The following DNAH2 variants were observed in gnomAD, a reference collection of about 807,000 sequenced individuals.
The protein encoded by DNAH2 is dynein axonemal heavy chain 2, also known as axonemal beta dynein heavy chain 2.
In DNAH2, 323 loss-of-function variants were observed where a neutral mutation model predicts 523.5. That is an observed-to-expected ratio of 0.62 (90% CI 0.56 to 0.68). DNAH2 has a LOEUF of 0.68. Ranked by LOEUF, DNAH2 falls within the 30% of genes least tolerant of loss-of-function variation. DNAH2 has a pLI of 0.00. For synonymous variants in DNAH2, 2,093 were observed against 2,177.4 expected, an observed-to-expected ratio of 0.96 and a Z score of 1.08; for missense variants, 4,907 against 5,701.5, an observed-to-expected ratio of 0.86 and a Z score of 4.49.
rs2076910635 is a variant in DNAH2, at chr17:7,792,002, T to C, written c.6986T>C (p.Val2329Ala). Residue 2329 changes from valine (V) to alanine (A), a missense_variant, in exon 45 of 86, where the codon GTG becomes GCG. Transcript: ENST00000572933. ...ATGATCTGGTCTGTGTGTGCCTCTG[T>C]GGATGAGGAGGGCCGGAAGAGGATC... Reference protein sequence around the residue: ...FSMIWSVCASVDEEGRKRIDS... With the variant: ...FSMIWSVCASADEEGRKRIDS... 2 of 1,613,958 alleles carry C rather than the reference T, an allele frequency of 1.2e-6. No individual in the cohort carries two copies. Among genetic ancestry groups the C allele is most frequent in the Non-Finnish European group, 8.5e-7 (1 of 1,179,980 alleles).
In DNAH2 at chr17:7,819,425, A is replaced by G. The variant is rs1319565017; in HGVS notation, c.11015+17A>G. ...TGTCTACAGGTCTGAGGGTGCCCCC[A>G]ACATGCCCCAGCCCGGAGGCCGAGT... On this transcript the variant is annotated intron_variant, in intron 72 of 85. Coordinates refer to ENST00000572933, the MANE Select transcript of DNAH2 (RefSeq NM_020877.5). 2.5e-6 allele frequency: 4 copies of G among 1,613,960 alleles called. No homozygotes were observed. Among genetic ancestry groups the G allele is most frequent in the Non-Finnish European group, 2.5e-6 (3 of 1,179,820 alleles).
Position 7,764,037 on chromosome 17 carries a change from G to A in DNAH2, c.3179+6G>A, listed in dbSNP as rs1483441114. On this transcript the variant is annotated splice_donor_region_variant and intron_variant, in intron 19 of 85. Coordinates refer to ENST00000572933, the MANE Select transcript of DNAH2 (RefSeq NM_020877.5). Reference sequence around the variant, plus strand: ...CTGAAGGAGAACGCAGAGAAGTGCGGGCTGGGGCGCCCCACAGGAAGGGGG... The same window carrying A: ...CTGAAGGAGAACGCAGAGAAGTGCGAGCTGGGGCGCCCCACAGGAAGGGGG... 6.2e-7 allele frequency: 1 copy of A among 1,614,194 alleles called. No homozygotes were observed. The highest frequency in any genetic ancestry group is 1.3e-5 in the African/African-American group (1 of 75,052).
Position 7,817,773 on chromosome 17 carries a change from C to T in DNAH2, c.10170-17C>T. On this transcript the variant is annotated splice_polypyrimidine_tract_variant and intron_variant, in intron 66 of 85. Coordinates refer to ENST00000572933, the MANE Select transcript of DNAH2 (RefSeq NM_020877.5). ...TGGGAGAGAGGGCCTCACCTCTGACCTGTACTCCCCTTCCAGGTGGGCACT... is the reference window on the plus strand; with the variant it reads ...TGGGAGAGAGGGCCTCACCTCTGACTTGTACTCCCCTTCCAGGTGGGCACT... The T allele has an allele frequency of 3.1e-6, 5 of 1,614,120 alleles. No homozygotes were observed. Among genetic ancestry groups the T allele is most frequent in the Non-Finnish European group, 4.2e-6 (5 of 1,180,020 alleles).
In DNAH2 at chr17:7,763,892, C is replaced by T; in HGVS notation, c.3040C>T (p.Leu1014=). 1.2e-6 allele frequency: 2 copies of T among 1,614,200 alleles called. No individual in the cohort carries two copies. The highest frequency in any genetic ancestry group is 1.7e-6 in the Non-Finnish European group (2 of 1,180,038). ...EETVTNIQFV[L]LDCSHLKFSL... is the part of the protein sequence containing the mutation. ...GACAGTCACCAACATCCAGTTTGTG[C>T]TGCTGGACTGTTCGCACCTCAAGTT... is the stretch of plus-strand genomic sequence containing the variant. The change falls in exon 19 of 86, where the codon CTG becomes TTG. Residue 1014 remains leucine, a synonymous_variant. Transcript: ENST00000572933.
rs372235159 is a variant in DNAH2 at position 7,756,594 on chromosome 17, C to T, written c.1905-497C>T. 3.2e-3 allele frequency among the ~76,000 whole-genome samples: 484 copies of T among 152,146 alleles called. 2 individuals are homozygous for T. The highest frequency in any genetic ancestry group is 0.011 in the African/African-American group (460 of 41,526). On this transcript the variant is annotated intron_variant, in intron 12 of 85. Coordinates refer to ENST00000572933, the MANE Select transcript of DNAH2 (RefSeq NM_020877.5). ...GGCCCCAGTGAAATTCATTTTAATACTTGATCCAACATTCCCCAAATATCA... is the reference window on the plus strand; with the variant it reads ...GGCCCCAGTGAAATTCATTTTAATATTTGATCCAACATTCCCCAAATATCA...
At chr17:7,811,594 A>T (rs1019158603) in intron 63 of DNAH2, among the ~76,000 whole-genome samples, 2 of 152,204 alleles carry the variant, frequency 1.3e-5, no homozygotes, top group African/African-American at 4.8e-5. Flanking sequence ...AAGTACATTC[A>T]ATGTCTGGTA....
chr17:7,802,574 T>C (rs1409815186), intron 58 of DNAH2, among the ~76,000 whole-genome samples: 1 of 152,342 alleles, frequency 6.6e-6, no homozygotes, highest in South Asian at 2.1e-4. Context: ...ACAATGTAAA[T>C]GCTATGTAAA....
At chr17:7,766,611 G>T in intron 22 of DNAH2, 130 bp downstream of exon 22, 7 of 544,584 alleles carry the variant, frequency 1.3e-5, no homozygotes, top group East Asian at 4.8e-5. Flanking sequence ...TGTTTCAGTT[G>T]AGGTAAAATT....
chr17:7,816,988 T>C (rs1333951267), intron 64 of DNAH2, among the ~76,000 whole-genome samples: 1 of 152,190 alleles, frequency 6.6e-6, no homozygotes, highest in Admixed American at 6.5e-5. Flanking sequence ...ACAAGGACTC[T>C]TGATGTAGCC....
chr17:7,775,979 G>T (rs758366366), intron 30 of DNAH2, 45 bp from the exon 31 acceptor site: 1 of 1,606,194 alleles, frequency 6.2e-7, no homozygotes, highest in Non-Finnish European at 8.5e-7. Context: ...GACCTTGGCC[G>T]TGCCCCCTCA....
intron 11 of DNAH2, among the ~76,000 whole-genome samples, chr17:7,741,707 C>T (rs987807495): frequency 1.3e-5 from 2 of 149,318 alleles, no homozygotes; most frequent in Non-Finnish European, 3.0e-5. Context: ...TCTTGTTGCC[C>T]AGGCTGGAGT....
rs763715876 is a variant in DNAH2 at position 7,831,773 on chromosome 17, A to G, written c.12724A>G (p.Lys4242Glu). The change falls in exon 82 of 86, where the codon AAG becomes GAG. Residue 4242 changes from lysine (K) to glutamate (E), a missense_variant and splice_region_variant. Physicochemically the swap from Lys to Glu is moderately conservative, Grantham distance 56. Transcript: ENST00000572933. This position sits in a 1 kb window ranked among gnomAD's most constrained non-coding sequence, Gnocchi z 4.2. ...TGCCCATGTTCCTCCGCTCTGGGGA[A>G]AGGCAAGATTATACCATTGTTGATC... is the stretch of plus-strand genomic sequence containing the variant. ...FDAHVPPLWGKAYPSQKPLAA... is the reference protein window; with the variant it reads ...FDAHVPPLWGEAYPSQKPLAA... 1.9e-6 allele frequency: 3 copies of G among 1,612,862 alleles called. No homozygotes were observed. The highest frequency in any genetic ancestry group is 1.1e-5 in the South Asian group (1 of 91,010).
chr17:7,721,983 C>A (rs1249186273), intron 2 of DNAH2, among the ~76,000 whole-genome samples: 1 of 152,132 alleles, frequency 6.6e-6, no homozygotes, highest in Non-Finnish European at 1.5e-5. Context: ...CTCACCCCTA[C>A]CCCAGTTAGT....
chr17:7,814,595 T>C (rs1268190413), intron 63 of DNAH2, among the ~76,000 whole-genome samples: 3 of 152,220 alleles, frequency 2.0e-5, no homozygotes, highest in African/African-American at 4.8e-5. Flanking sequence ...TTGCCATGGT[T>C]GGGCGTGGTG....
At chr17:7,738,973 C>CATCAACAA (rs1323946635) in intron 8 of DNAH2, 1 of 702,886 alleles carries the variant, frequency 1.4e-6, no homozygotes, top group South Asian at 1.5e-5. Flanking sequence ...CATCTTTGCT[C>CATCAACAA]AGGTTGATGC....
chr17:7,788,229 C>T lies in DNAH2; in HGVS notation c.6885C>T (p.Ala2295=). ...TSLCKLYSAL[A]TPENGVNPAD... is the part of the protein sequence containing the mutation. The stretch of plus-strand genomic sequence containing the variant: ...TCTGCAAGCTGTACTCTGCCCTGGC[C>T]ACGCCAGAGAATGGGGTAAGGGGAG... The change falls in exon 44 of 86, where the codon GCC becomes GCT. Residue 2295 remains alanine, a synonymous_variant. Transcript: ENST00000572933. 1 of 1,592,722 alleles carries T rather than the reference C, an allele frequency of 6.3e-7. No individual in the cohort carries two copies. Among genetic ancestry groups the T allele is most frequent in the Non-Finnish European group, 8.6e-7 (1 of 1,169,452 alleles).
chr17:7,798,373 A>T lies in DNAH2; in HGVS notation c.8398+49A>T. On this transcript the variant is annotated intron_variant, in intron 54 of 85. Coordinates refer to ENST00000572933, the MANE Select transcript of DNAH2 (RefSeq NM_020877.5). This position sits in a 1 kb window ranked among gnomAD's most constrained non-coding sequence, Gnocchi z 5.5. ...TAGGAATAAAAGATCAGATGCATAC[A>T]TTCCTGCAGTGACAAGAGAGGAGAG... 2 of 1,570,574 alleles carry T rather than the reference A, an allele frequency of 1.3e-6. No individual in the cohort carries two copies. Among genetic ancestry groups the T allele is most frequent in the Non-Finnish European group, 1.7e-6 (2 of 1,155,848 alleles).
In DNAH2 at chr17:7,818,606, AGTG is replaced by A. The variant is rs764567322; in HGVS notation, c.10537-36_10537-34del. 5 of 1,611,420 alleles carry A rather than the reference AGTG, an allele frequency of 3.1e-6. No homozygotes were observed. The South Asian group carries it at 5.5e-5, about 18-fold the overall frequency. ...AGATGAGGAAGGTGAAGGTCGAAGG[AGTG>A]ACAGCCCCTCACTGTGAGTCCTGAT... On this transcript the variant is annotated intron_variant, in intron 69 of 85. Coordinates refer to ENST00000572933, the MANE Select transcript of DNAH2 (RefSeq NM_020877.5).
chr17:7,813,196 TAGC>T (rs2077567644), intron 63 of DNAH2, among the ~76,000 whole-genome samples: 2 of 152,050 alleles, frequency 1.3e-5, no homozygotes, highest in Admixed American at 1.3e-4. Context: ...GAACGAGAAA[TAGC>T]AGTGTGAAGA....
Sources: allele counts gnomAD v4.1 joint callset (sites outside exome capture counted in the v4.1 genomes callset), GRCh38; gene constraint gnomAD v4.1.1; non-coding constraint Gnocchi (gnomAD v3.1); transcripts MANE v1.5; gene names NCBI Gene and HGNC (gene_info 2026-07-23, HGNC 2026-07-21).